Variants in LHX8 observed in about 807,000 individuals in gnomAD.
The protein encoded by LHX8 is LIM/homeobox protein Lhx8.
LHX8 carries 12 observed loss-of-function variants against 40.3 expected under a neutral mutation model. The observed-to-expected ratio is 0.30, with a 90% CI of 0.19 to 0.48. The LOEUF (loss-of-function observed/expected upper bound fraction) is 0.48, where lower values mean the gene tolerates loss of function less well. LHX8 is among the 20% of genes least tolerant of loss of function. The pLI, the probability that LHX8 is intolerant of heterozygous loss-of-function variation, is 0.99. For missense variants in LHX8, 344 were observed against 433.7 expected (o/e 0.79, Z 1.84); for synonymous variants, 179 against 162.0 (o/e 1.10, Z -0.80).
the LHX8 span, among the ~76,000 whole-genome samples, chr1:75,183,783 C>T: frequency 6.6e-6 from 1 of 152,194 alleles, no homozygotes; most frequent in South Asian, 2.1e-4. Flanking sequence ...TCCATATTAA[C>T]TTTGAATATA....
the LHX8 span, among the ~76,000 whole-genome samples, chr1:75,183,574 G>A: frequency 0.049 from 7,531 of 152,188 alleles, 205 homozygotes; most frequent in Middle Eastern, 0.096. Flanking sequence ...ATAAGCAAAT[G>A]GTGAGGGAGT....
the LHX8 span, among the ~76,000 whole-genome samples, chr1:75,185,763 T>A: frequency 1.5e-3 from 222 of 152,288 alleles, no homozygotes; most frequent in African/African-American, 5.2e-3. Flanking sequence ...TTTTTCCTGT[T>A]TGCAAACGAC....
chr1:75,182,084 T>A, the LHX8 span, among the ~76,000 whole-genome samples: 1 of 152,188 alleles, frequency 6.6e-6, no homozygotes, highest in Non-Finnish European at 1.5e-5. Context: ...AAGCTAACAT[T>A]GAGAAAAGTT....
At chr1:75,191,740 A>T in the LHX8 span, among the ~76,000 whole-genome samples, 97 of 152,366 alleles carry the variant, frequency 6.4e-4, no homozygotes, top group African/African-American at 2.3e-3. Flanking sequence ...CCTAAAGATA[A>T]TGGGACTAAA....
chr1:75,153,404 T>TTTTTG (rs986496069), intron 7 of LHX8, among the ~76,000 whole-genome samples: 31 of 150,664 alleles, frequency 2.1e-4, no homozygotes, highest in African/African-American at 5.1e-4. Context: ...ACGCCTGGCC[T>TTTTTG]TTTTGTTTTG....
intron 6 of LHX8, among the ~76,000 whole-genome samples, chr1:75,147,535 T>C (rs932321558): frequency 6.6e-5 from 10 of 152,170 alleles, no homozygotes; most frequent in African/African-American, 2.4e-4. Context: ...ATGAGGAGCA[T>C]AGTGGAGAAT....
chr1:75,192,463 C>T, the LHX8 span, among the ~76,000 whole-genome samples: 2 of 152,058 alleles, frequency 1.3e-5, no homozygotes, highest in Admixed American at 1.3e-4. Flanking sequence ...TTCAATAAAC[C>T]CTGAGTTTGC....
At chr1:75,159,437 A>C (rs1341614489) in intron 8 of LHX8, 1 of 151,876 alleles carries the variant, frequency 6.6e-6, no homozygotes, top group African/African-American at 2.4e-5. Context: ...CCTATGAAAA[A>C]ATTTTCTTGT....
At chr1:75,133,463 C>A (rs147571042), upstream of LHX8, among the ~76,000 whole-genome samples, 29 of 152,124 alleles carry the variant, frequency 1.9e-4, no homozygotes, top group African/African-American at 7.0e-4. Flanking sequence ...ATATATATTT[C>A]CATCTAATTA....
At chr1:75,155,230 C>CTTTTTTTTT (rs57009636) in intron 7 of LHX8, among the ~76,000 whole-genome samples, 4 of 94,364 alleles carry the variant, frequency 4.2e-5, no homozygotes, top group Admixed American at 1.4e-4. Flanking sequence ...GAAACACTCT[C>CTTTTTTTTT]TTTTTTTTTT....
At chr1:75,180,364 T>C in the LHX8 span, among the ~76,000 whole-genome samples, 1 of 152,216 alleles carries the variant, frequency 6.6e-6, no homozygotes, top group Non-Finnish European at 1.5e-5. Flanking sequence ...CATAGTCCCA[T>C]ATTTCTTGGA....
the LHX8 span, among the ~76,000 whole-genome samples, chr1:75,176,760 C>G: frequency 2.0e-5 from 3 of 151,956 alleles, no homozygotes; most frequent in African/African-American, 7.2e-5. Context: ...GCCTATGTCC[C>G]GAATGGTATT....
At chr1:75,130,359 C>G (rs1348404822), upstream of LHX8, 1 of 383,598 alleles carries the variant, frequency 2.6e-6, no homozygotes, top group African/African-American at 2.0e-5. Context: ...CGCTATTGGT[C>G]CTCCAGAACC....
chr1:75,132,129 G>A (rs773386957), upstream of LHX8, among the ~76,000 whole-genome samples: 1 of 152,154 alleles, frequency 6.6e-6, no homozygotes, highest in Non-Finnish European at 1.5e-5. Flanking sequence ...CCCCAGCCGA[G>A]GATGAGCGTG....
At chr1:75,143,981 G>T (rs1340146577) in intron 6 of LHX8, 33 bp downstream of exon 6, 1 of 1,570,756 alleles carries the variant, frequency 6.4e-7, no homozygotes, top group South Asian at 1.1e-5. Flanking sequence ...TATTTTTGAA[G>T]CCCCTCCCAA....
chr1:75,162,494 TGG>T (rs964334927), downstream of LHX8, among the ~76,000 whole-genome samples: 6 of 152,156 alleles, frequency 3.9e-5, no homozygotes, highest in Admixed American at 2.0e-4. Context: ...TCCCTTAGCT[TGG>T]GAGGTGGCTG....
chr1:75,178,743 T>C, the LHX8 span, among the ~76,000 whole-genome samples: 1 of 152,218 alleles, frequency 6.6e-6, no homozygotes, highest in South Asian at 2.1e-4. Context: ...CTTGCTTCTC[T>C]AGTTCTTTTA....
chr1:75,176,171 C>T, the LHX8 span, among the ~76,000 whole-genome samples: 1 of 152,090 alleles, frequency 6.6e-6, no homozygotes, highest in African/African-American at 2.4e-5. Flanking sequence ...ATTTCTAATC[C>T]TTTGGGTATA....
chr1:75,143,062 AT>A, intron 4 of LHX8, 55 bp from the exon 5 acceptor site: 4 of 1,335,388 alleles, frequency 3.0e-6, no homozygotes, highest in Non-Finnish European at 4.3e-6. Flanking sequence ...TATTCGACTG[AT>A]GAATATCTCA....
Sources: gnomAD v4.1 joint callset for allele counts (sites outside exome capture counted in the v4.1 genomes callset) on GRCh38, gnomAD v4.1.1 for gene constraint, MANE v1.5 for transcripts, NCBI Gene and HGNC (gene_info 2026-07-23, HGNC 2026-07-21) for gene names.